Variants in NRG1 observed in about 807,000 individuals in gnomAD.
NRG1 encodes neuregulin 1.
In NRG1, 18 loss-of-function variants were observed where a neutral mutation model predicts 63.8. The ratio of observed to expected loss-of-function variants is 0.28; its 90% CI spans 0.19 to 0.42. NRG1 has a LOEUF of 0.42. Ranked by LOEUF, NRG1 falls within the 10% of genes least tolerant of loss-of-function variation. NRG1 has a pLI of 1.00. For missense variants in NRG1, 762 were observed against 814.7 expected (o/e 0.94, Z 0.79); for synonymous variants, 302 against 301.3 (o/e 1.00, Z -0.02).
At chr8:31,841,205 A>G (rs1459659350) in intron 1 of NRG1, among the ~76,000 whole-genome samples, 1 of 146,978 alleles carries the variant, frequency 6.8e-6, no homozygotes, top group East Asian at 2.1e-4. Flanking sequence ...GTTTTGAAAG[A>G]TGAGTGGCCT....
chr8:31,640,141 G>T lies in NRG1; in HGVS notation c.37+710G>T. ...GGCGCCGGGGGCGGCGGCCGGCAAC[G>T]AGGCGGCTCCCGCGGGGGCCTCGGT... On this transcript the variant is annotated intron_variant, in intron 1 of 10. Coordinates refer to the NRG1 transcript ENST00000519301. The surrounding 1 kb of genome is among the most constrained non-coding windows in gnomAD (Gnocchi z 6.3). 8.6e-7 allele frequency: 1 copy of T among 1,165,992 alleles called. No homozygotes were observed. The highest frequency in any genetic ancestry group is 1.1e-6 in the Non-Finnish European group (1 of 945,862). The allele number at this position is 1,165,992 out of a possible 1,614,324, so 72.2% of individuals were successfully genotyped here. A position where few individuals can be genotyped will look rare whatever the true frequency, so the allele number is the denominator to read the frequency against.
chr8:32,016,255 G>T (rs117587598), intron 1 of NRG1, among the ~76,000 whole-genome samples: 2,064 of 152,064 alleles, frequency 0.014, 15 homozygotes, highest in Middle Eastern at 0.037. Context: ...TAGAGATGGG[G>T]TCTTGCTATG....
At chr8:32,738,770 A>T (rs188501691) in intron 6 of NRG1, among the ~76,000 whole-genome samples, 1 of 152,344 alleles carries the variant, frequency 6.6e-6, no homozygotes, top group African/African-American at 2.4e-5. Flanking sequence ...CAGTTTGCAT[A>T]TGCAGAAACT....
chr8:32,092,277 A>G (rs1287216380), intron 1 of NRG1, among the ~76,000 whole-genome samples: 2 of 151,758 alleles, frequency 1.3e-5, no homozygotes, highest in African/African-American at 4.8e-5. Context: ...GCAACATGGC[A>G]AAACCTTGTC....
chr8:31,995,443 A>T (rs1455880020), intron 1 of NRG1, among the ~76,000 whole-genome samples: 1 of 151,970 alleles, frequency 6.6e-6, no homozygotes, highest in East Asian at 1.9e-4. Context: ...TAAAAGAAAG[A>T]TCACACTGAA....
intron 1 of NRG1, among the ~76,000 whole-genome samples, chr8:32,336,371 A>G (rs987657659): frequency 6.6e-6 from 1 of 152,184 alleles, no homozygotes; most frequent in Non-Finnish European, 1.5e-5. Context: ...AGGTGTGGTC[A>G]GGGGATTCCC....
At chr8:31,687,842 A>G (rs1019110181) in intron 1 of NRG1, among the ~76,000 whole-genome samples, 1 of 152,204 alleles carries the variant, frequency 6.6e-6, no homozygotes, top group Non-Finnish European at 1.5e-5. Context: ...CCATTAGTAA[A>G]TGGATGCGGC....
At chr8:32,636,197 T>C (rs751856995) in intron 5 of NRG1, among the ~76,000 whole-genome samples, 1 of 151,350 alleles carries the variant, frequency 6.6e-6, no homozygotes. Context: ...CCTTTCTTAC[T>C]GGATGTGTTC....
intron 5 of NRG1, among the ~76,000 whole-genome samples, chr8:32,635,885 G>T (rs1282858359): frequency 2.6e-5 from 4 of 152,094 alleles, no homozygotes; most frequent in Admixed American, 2.0e-4. Flanking sequence ...CTTTTTTAGG[G>T]TGAAAGAGAA....
intron 1 of NRG1, among the ~76,000 whole-genome samples, chr8:31,869,881 T>G (rs191915940): frequency 6.6e-6 from 1 of 152,334 alleles, no homozygotes; most frequent in South Asian, 2.1e-4. Context: ...AAGCAGGGTG[T>G]GACCTTATTG....
intron 6 of NRG1, chr8:32,728,743 C>A: frequency 3.7e-6 from 3 of 802,272 alleles, no homozygotes; most frequent in Non-Finnish European, 4.5e-6. Flanking sequence ...TTTCCAATGA[C>A]CTGAAGGAGT....
At chr8:32,111,590 G>A (rs1832036065) in intron 1 of NRG1, among the ~76,000 whole-genome samples, 1 of 152,134 alleles carries the variant, frequency 6.6e-6, no homozygotes, top group African/African-American at 2.4e-5. Context: ...CATATGAATT[G>A]CAATCACATT....
chr8:32,388,130 C>A (rs1811254231), intron 1 of NRG1, among the ~76,000 whole-genome samples: 1 of 152,150 alleles, frequency 6.6e-6, no homozygotes, highest in Admixed American at 6.6e-5. Context: ...GATGGATGTT[C>A]CTTTTGATGT....
chr8:32,130,211 T>A (rs1390346061), intron 1 of NRG1, among the ~76,000 whole-genome samples: 5 of 151,932 alleles, frequency 3.3e-5, no homozygotes, highest in Admixed American at 3.3e-4. Flanking sequence ...ATGATTCATG[T>A]ACACATTAGG....
At chr8:31,652,777 G>A (rs1178701429) in intron 1 of NRG1, among the ~76,000 whole-genome samples, 1 of 152,200 alleles carries the variant, frequency 6.6e-6, no homozygotes, top group Non-Finnish European at 1.5e-5. Context: ...ATGACTTAGA[G>A]ATATGTTTAT....
At chr8:32,770,333 G>T (rs1241812971), downstream of NRG1, among the ~76,000 whole-genome samples, 1 of 152,114 alleles carries the variant, frequency 6.6e-6, no homozygotes, top group Non-Finnish European at 1.5e-5. Flanking sequence ...GCTCAGGAAG[G>T]TTAAAATCTT....
At chr8:31,927,627 T>G (rs2129619631) in intron 1 of NRG1, among the ~76,000 whole-genome samples, 1 of 149,470 alleles carries the variant, frequency 6.7e-6, no homozygotes, top group East Asian at 2.0e-4. Context: ...TTTTTGTATT[T>G]TTAGTAGAGA....
intron 1 of NRG1, among the ~76,000 whole-genome samples, chr8:32,521,036 C>CT: frequency 6.6e-6 from 1 of 152,076 alleles, no homozygotes; most frequent in Non-Finnish European, 1.5e-5. Context: ...TATTATTGTT[C>CT]TTTTTTATTA....
intron 1 of NRG1, among the ~76,000 whole-genome samples, chr8:32,296,022 C>G (rs114566683): frequency 0.015 from 2,269 of 151,490 alleles, 53 homozygotes; most frequent in African/African-American, 0.052. Flanking sequence ...TCCACTGCCA[C>G]GAGTACATGT....
Sources: allele counts gnomAD v4.1 joint callset (sites outside exome capture counted in the v4.1 genomes callset), GRCh38; gene constraint gnomAD v4.1.1; non-coding constraint Gnocchi (gnomAD v3.1); transcripts MANE v1.5; gene names NCBI Gene and HGNC (gene_info 2026-07-23, HGNC 2026-07-21).